PAK3: variants seen among roughly 807,000 people sequenced by gnomAD.
PAK3 encodes the protein p21 (RAC1) activated kinase 3.
PAK3 carries 4 observed loss-of-function variants against 41.0 expected under a neutral mutation model. The ratio of observed to expected loss-of-function variants is 0.10; its 90% confidence interval spans 0.05 to 0.22. The LOEUF is 0.22. PAK3 is among the 10% of genes least tolerant of loss of function. The probability of loss-of-function intolerance (pLI) is 1.00; values close to 1 mark genes in which losing one functional copy is unlikely to be tolerated. For synonymous variants in PAK3, 146 were observed against 139.6 expected (o/e 1.05, Z -0.32); for missense variants, 205 against 409.9 (o/e 0.50, Z 4.32).
upstream of PAK3, among the ~76,000 whole-genome samples, chrX:111,091,739 G>C (rs186283541): frequency 1.8e-5 from 2 of 112,161 alleles, no homozygotes; most frequent in African/African-American, 6.5e-5. Context: ...GGAAGGAAGG[G>C]GCTCCATTGC....
chrX:111,043,362 T>C (rs2092469822), intron 1 of PAK3, among the ~76,000 whole-genome samples: 1 of 111,502 alleles, frequency 9.0e-6, no homozygotes, highest in Non-Finnish European at 1.9e-5. Context: ...ACTTTTACCC[T>C]GCTCATGGAT....
At chrX:111,085,829 C>T (rs970419131) in intron 1 of PAK3, among the ~76,000 whole-genome samples, 2 of 111,508 alleles carry the variant, frequency 1.8e-5, no homozygotes, top group African/African-American at 6.5e-5. Context: ...TCGATAAGAC[C>T]GTACAGCAAA....
intron 1 of PAK3, among the ~76,000 whole-genome samples, chrX:111,043,740 G>A (rs1293362482): frequency 1.8e-5 from 2 of 111,788 alleles, no homozygotes; most frequent in East Asian, 2.8e-4. Context: ...TGCTCCCCAA[G>A]GTTCATATGT....
intron 8 of PAK3, among the ~76,000 whole-genome samples, chrX:111,158,159 T>G (rs1332983787): frequency 6.3e-5 from 7 of 111,992 alleles, no homozygotes; most frequent in Admixed American, 5.7e-4. Flanking sequence ...AAAGCAGGTC[T>G]TGCAAGGCGA....
At chrX:111,150,850 A>T (rs2094016780) in intron 7 of PAK3, among the ~76,000 whole-genome samples, 1 of 112,121 alleles carries the variant, frequency 8.9e-6, no homozygotes, top group African/African-American at 3.2e-5. Flanking sequence ...TAACTTATTA[A>T]CATCTAAAGA....
chrX:110,955,904 C>CA (rs1223407469), intron 1 of PAK3, among the ~76,000 whole-genome samples: 2 of 111,508 alleles, frequency 1.8e-5, no homozygotes, highest in African/African-American at 6.5e-5. Flanking sequence ...TGTTTTGGAG[C>CA]AAAAAAGAGG....
intron 1 of PAK3, among the ~76,000 whole-genome samples, chrX:111,052,211 T>C (rs916278728): frequency 8.9e-6 from 1 of 112,133 alleles, no homozygotes; most frequent in African/African-American, 3.2e-5. Context: ...AAAATTAACA[T>C]TAAGTTAGAA....
At chrX:111,023,644 G>A (rs963103045) in intron 1 of PAK3, among the ~76,000 whole-genome samples, 4 of 112,326 alleles carry the variant, frequency 3.6e-5, no homozygotes, top group African/African-American at 1.3e-4. Context: ...AATGACCAGT[G>A]ATGATGAGCA....
At chrX:110,983,631 A>G (rs2091487842) in intron 1 of PAK3, among the ~76,000 whole-genome samples, 1 of 110,742 alleles carries the variant, frequency 9.0e-6, no homozygotes, top group Non-Finnish European at 1.9e-5. Flanking sequence ...AGGTACAGAA[A>G]GAAAACTGCC....
intron 6 of PAK3, among the ~76,000 whole-genome samples, chrX:111,142,418 A>G (rs1242948125): frequency 2.7e-5 from 3 of 112,625 alleles, no homozygotes; most frequent in Non-Finnish European, 3.8e-5. Flanking sequence ...ATCACTGTAT[A>G]GTCTCAACTT....
intron 8 of PAK3, 121 bp downstream of exon 8, chrX:111,152,568 T>A: frequency 1.9e-6 from 1 of 518,619 alleles, no homozygotes; most frequent in East Asian, 3.9e-5. Flanking sequence ...AAGGTATAAT[T>A]CAGTTTATAT....
At chrX:110,995,420 G>A (rs1403428753) in intron 1 of PAK3, among the ~76,000 whole-genome samples, 1 of 110,956 alleles carries the variant, frequency 9.0e-6, no homozygotes, top group Non-Finnish European at 1.9e-5. Context: ...CAATGGCTTT[G>A]TGTATGAGTT....
chrX:111,146,612 G>A (rs1366713468), intron 6 of PAK3: 1 of 772,494 alleles, frequency 1.3e-6, no homozygotes, highest in Admixed American at 2.7e-5. Context: ...GCTTCTTTGA[G>A]ATGTCATAGC....
chrX:111,110,049 A>G (rs1198988607), intron 4 of PAK3, among the ~76,000 whole-genome samples: 1 of 112,474 alleles, frequency 8.9e-6, no homozygotes, highest in Non-Finnish European at 1.9e-5. Flanking sequence ...ATAACACCTC[A>G]GGGGTTATGC....
chrX:111,123,380 C>T lies in PAK3; in HGVS notation c.175+102C>T, dbSNP rs2093606772. The T allele has an allele frequency of 1.5e-5, 10 of 685,003 alleles. No individual in the cohort carries two copies. The South Asian group carries it at 2.3e-4, about 16-fold the overall frequency. 56.5% of individuals were successfully genotyped at this position (685,003 alleles called of 1,213,427 possible). A position where few individuals can be genotyped will look rare whatever the true frequency, so the allele number is the denominator to read the frequency against. ...TTCTTGAGGATTGACTGTTCAGGGC[C>T]TGCCGGCCCTTTACATCTACGTCTT... is the stretch of plus-strand genomic sequence containing the variant. On this transcript the variant is annotated intron_variant, in intron 5 of 17. Transcript: ENST00000372007.
intron 7 of PAK3, among the ~76,000 whole-genome samples, chrX:111,150,038 A>G (rs2094003694): frequency 8.9e-6 from 1 of 112,224 alleles, no homozygotes; most frequent in Non-Finnish European, 1.9e-5. Context: ...CTGCATAGAA[A>G]TTTCTTCTAC....
intron 11 of PAK3, among the ~76,000 whole-genome samples, chrX:111,178,376 A>G (rs751576427): frequency 9.0e-6 from 1 of 111,598 alleles, no homozygotes; most frequent in South Asian, 3.8e-4. Flanking sequence ...TAGAGGAATA[A>G]AGGGAGAATT....
intron 1 of PAK3, among the ~76,000 whole-genome samples, chrX:111,061,491 A>T (rs1398950354): frequency 1.8e-5 from 2 of 112,091 alleles, no homozygotes; most frequent in East Asian, 5.6e-4. Context: ...TGAATTTTAG[A>T]GTTCGCTTGT....
At chrX:111,143,362 G>A (rs1026751229) in intron 6 of PAK3, among the ~76,000 whole-genome samples, 1 of 111,554 alleles carries the variant, frequency 9.0e-6, no homozygotes, top group African/African-American at 3.2e-5. Flanking sequence ...CTGGAAGTAA[G>A]TGATAGGAGA....
Sources: allele counts gnomAD v4.1 joint callset (sites outside exome capture counted in the v4.1 genomes callset), GRCh38; gene constraint gnomAD v4.1.1; transcripts MANE v1.5; gene names NCBI Gene and HGNC (gene_info 2026-07-23, HGNC 2026-07-21).